ABHD12B: variants seen among roughly 807,000 people sequenced by gnomAD.
ABHD12B encodes the protein protein ABHD12B.
Under a neutral mutation model 50.4 loss-of-function variants are expected in ABHD12B, and 42 were observed. The observed-to-expected ratio is 0.83, with a 90% CI of 0.65 to 1.08. The LOEUF (loss-of-function observed/expected upper bound fraction) is 1.08, where lower values mean the gene tolerates loss of function less well. Among genes scored for constraint, ABHD12B ranks in the 50% least tolerant of loss-of-function variants. The pLI is 0.00. For missense variants in ABHD12B, 479 were observed against 447.7 expected (o/e 1.07, Z -0.63); for synonymous variants, 167 against 160.3 (o/e 1.04, Z -0.32).
intron 9 of ABHD12B, among the ~76,000 whole-genome samples, chr14:50,899,701 A>C (rs999374422): frequency 2.0e-5 from 3 of 152,038 alleles, no homozygotes. Context: ...AGGCAGGCGG[A>C]TCATTTGAGG....
chr14:50,880,047 C>T (rs1357873940), intron 3 of ABHD12B, among the ~76,000 whole-genome samples: 1 of 152,224 alleles, frequency 6.6e-6, no homozygotes, highest in Non-Finnish European at 1.5e-5. Flanking sequence ...CTTACATAAA[C>T]TGGTTTCTCT....
intron 4 of ABHD12B, among the ~76,000 whole-genome samples, chr14:50,881,236 G>A (rs1356086697): frequency 6.6e-6 from 1 of 152,088 alleles, no homozygotes; most frequent in Non-Finnish European, 1.5e-5. Flanking sequence ...CTGAAGCTTG[G>A]GGCAGGGGCG....
chr14:50,888,934 C>CAA lies in ABHD12B; in HGVS notation c.780+33_780+34dup, dbSNP rs1566489630. 1.9e-6 allele frequency: 3 copies of CAA among 1,580,012 alleles called. No individual in the cohort carries two copies. The Admixed American group carries it at 5.0e-5, about 26-fold the overall frequency. On this transcript the variant is annotated intron_variant, in intron 9 of 12. Coordinates refer to ENST00000337334, the MANE Select transcript of ABHD12B (RefSeq NM_001206673.2). ...ACTCTGATTCATCTTTACAAGGGAT[C>CAA]AAAGTAGGCTATTTTGATACAGTGT...
At chr14:50,881,732 G>A in intron 5 of ABHD12B, 106 bp downstream of exon 5, 2 of 1,368,656 alleles carry the variant, frequency 1.5e-6, no homozygotes, top group Admixed American at 1.8e-5. Context: ...GGTCTCCAGG[G>A]TACTGGTCAG....
chr14:50,877,653 G>A (rs2049880285), intron 1 of ABHD12B, among the ~76,000 whole-genome samples: 1 of 152,154 alleles, frequency 6.6e-6, no homozygotes, highest in Non-Finnish European at 1.5e-5. Flanking sequence ...GATCACCTGA[G>A]GTCAGGAGTT....
chr14:50,901,365 T>C (rs1053532721), intron 9 of ABHD12B, among the ~76,000 whole-genome samples: 9 of 152,386 alleles, frequency 5.9e-5, no homozygotes, highest in African/African-American at 1.9e-4. Context: ...TTTTAAGGCA[T>C]TGGCATATTA....
chr14:50,884,447 TATAAA>T (rs1330710630), intron 5 of ABHD12B, among the ~76,000 whole-genome samples: 4 of 152,234 alleles, frequency 2.6e-5, no homozygotes, highest in Non-Finnish European at 5.9e-5. Context: ...GCCACCCGGA[TATAAA>T]ATGCAGTGGG....
chr14:50,888,491 C>T (rs1293314535), intron 8 of ABHD12B, among the ~76,000 whole-genome samples: 1 of 152,136 alleles, frequency 6.6e-6, no homozygotes, highest in African/African-American at 2.4e-5. Flanking sequence ...TGTGAGCCAC[C>T]GTGCCTGGCC....
chr14:50,884,245 A>C (rs1425374534), intron 5 of ABHD12B, among the ~76,000 whole-genome samples: 1 of 151,488 alleles, frequency 6.6e-6, no homozygotes. Context: ...GGTTTGTTGC[A>C]GTTGTGGTTC....
intron 10 of ABHD12B, among the ~76,000 whole-genome samples, chr14:50,902,493 C>T (rs573401738): frequency 1.3e-5 from 2 of 152,108 alleles, no homozygotes; most frequent in African/African-American, 4.8e-5. Flanking sequence ...AACAAACAAA[C>T]AAACAAAAAA....
Position 50,878,807 on chromosome 14 carries a change from T to G in ABHD12B, c.295T>G (p.Phe99Val). 1 of 1,614,002 alleles carries G rather than the reference T, an allele frequency of 6.2e-7. No individual in the cohort carries two copies. The highest frequency in any genetic ancestry group is 8.5e-7 in the Non-Finnish European group (1 of 1,179,870). Residue 99 changes from phenylalanine (F) to valine (V), a missense_variant, in exon 3 of 13, where the codon TTC (phenylalanine) becomes GTC (valine). Physicochemically the swap from Phe to Val is conservative, Grantham distance 50. Transcript: ENST00000337334. ...GTTAAAGATTCCTCACACAGTGAAC[T>G]TCTACCTGAGAGTTGAACCTGGGGT... ...PELKIPHTVNFYLRVEPGVML... is the reference protein window; with the variant it reads ...PELKIPHTVNVYLRVEPGVML...
intron 9 of ABHD12B, chr14:50,893,125 C>T (rs975444351): frequency 1.3e-5 from 2 of 152,176 alleles, no homozygotes; most frequent in African/African-American, 2.4e-5. Context: ...GTTCTATGTA[C>T]GTCGATTGAA....
At chr14:50,888,456 C>A (rs1341470029) in intron 8 of ABHD12B, among the ~76,000 whole-genome samples, 2 of 152,138 alleles carry the variant, frequency 1.3e-5, no homozygotes, top group Non-Finnish European at 2.9e-5. Context: ...CCTGCCGTGG[C>A]CTCCCAAAAT....
intron 9 of ABHD12B, among the ~76,000 whole-genome samples, chr14:50,889,216 C>G (rs966720624): frequency 6.6e-6 from 1 of 152,162 alleles, no homozygotes; most frequent in East Asian, 1.9e-4. Context: ...TTTCATACAT[C>G]ATTTTTGAGC....
intron 10 of ABHD12B, among the ~76,000 whole-genome samples, chr14:50,902,330 T>A (rs1044019157): frequency 6.6e-6 from 1 of 152,016 alleles, no homozygotes. Flanking sequence ...CAAAAAATTT[T>A]AAAATTAGCC....
chr14:50,876,992 G>A (rs1381823134), intron 1 of ABHD12B, among the ~76,000 whole-genome samples: 1 of 152,178 alleles, frequency 6.6e-6, no homozygotes, highest in East Asian at 1.9e-4. Flanking sequence ...CACAAGAGAG[G>A]TGGCTTGAGA....
intron 1 of ABHD12B, among the ~76,000 whole-genome samples, chr14:50,873,304 G>A (rs1205371996): frequency 6.6e-6 from 1 of 151,666 alleles, no homozygotes; most frequent in Non-Finnish European, 1.5e-5. Flanking sequence ...CTCATTCCCA[G>A]GGCTCCAGCG....
chr14:50,898,958 C>T (rs1041193559), intron 9 of ABHD12B, among the ~76,000 whole-genome samples: 2 of 151,992 alleles, frequency 1.3e-5, no homozygotes, highest in African/African-American at 2.4e-5. Context: ...TTTGGGAGGC[C>T]GAGACGGGTG....
chr14:50,903,618 A>C, intron 11 of ABHD12B, 151 bp downstream of exon 11: 1 of 574,290 alleles, frequency 1.7e-6, no homozygotes, highest in Middle Eastern at 4.2e-4. Context: ...GGTTTATAAA[A>C]TGGGTATCAG....
Sources: gnomAD v4.1 joint callset for allele counts (sites outside exome capture counted in the v4.1 genomes callset) on GRCh38, gnomAD v4.1.1 for gene constraint, MANE v1.5 for transcripts, NCBI Gene and HGNC (gene_info 2026-07-23, HGNC 2026-07-21) for gene names.